The following CLDN10 variants were observed in gnomAD, a reference collection of about 807,000 sequenced individuals.
The protein encoded by CLDN10 is claudin 10.
CLDN10 carries 15 observed loss-of-function variants against 22.9 expected under a neutral mutation model. The ratio of observed to expected loss-of-function variants is 0.65; its 90% CI spans 0.44 to 1.01. The LOEUF (loss-of-function observed/expected upper bound fraction) is 1.01, where lower values mean the gene tolerates loss of function less well. CLDN10 is among the 50% of genes least tolerant of loss of function. The pLI, the probability that CLDN10 is intolerant of heterozygous loss-of-function variation, is 0.00. For synonymous variants in CLDN10, 114 were observed against 111.4 expected, an observed-to-expected ratio of 1.02 and a Z score of -0.15; for missense variants, 247 against 287.8, an observed-to-expected ratio of 0.86 and a Z score of 1.03.
At chr13:95,520,705 G>A (rs35442761) in intron 1 of CLDN10, among the ~76,000 whole-genome samples, 15,170 of 152,138 alleles carry the variant, frequency 0.1, 929 homozygotes, top group Non-Finnish European at 0.12. Context: ...GGATGAGGGC[G>A]GGCGTGGTGG....
intron 1 of CLDN10, among the ~76,000 whole-genome samples, chr13:95,525,749 C>T (rs1262803516): frequency 1.3e-5 from 2 of 152,178 alleles, no homozygotes; most frequent in African/African-American, 4.8e-5. Context: ...ACCTCAGCCT[C>T]CCAGAGTGCT....
intron 1 of CLDN10, among the ~76,000 whole-genome samples, chr13:95,459,700 A>G (rs2042516498): frequency 6.6e-6 from 1 of 151,882 alleles, no homozygotes; most frequent in Non-Finnish European, 1.5e-5. Flanking sequence ...AGCCATGAAG[A>G]CCTCTGACAT....
chr13:95,564,668 C>G (rs936833889), intron 3 of CLDN10, among the ~76,000 whole-genome samples: 3 of 152,162 alleles, frequency 2.0e-5, no homozygotes, highest in Non-Finnish European at 4.4e-5. Flanking sequence ...ATCTTGGTTG[C>G]CCAAGTTAGG....
At chr13:95,565,239 T>C (rs1258087858) in intron 3 of CLDN10, among the ~76,000 whole-genome samples, 1 of 152,218 alleles carries the variant, frequency 6.6e-6, no homozygotes. Context: ...TGTTTTGTTA[T>C]CCAAACCACT....
chr13:95,435,871 G>C (rs1394514434), intron 1 of CLDN10, among the ~76,000 whole-genome samples: 1 of 151,198 alleles, frequency 6.6e-6, no homozygotes, highest in Non-Finnish European at 1.5e-5. Context: ...GCCAAGGCTG[G>C]TCTCGATCTC....
At chr13:95,559,548 G>A (rs1413180293) in intron 1 of CLDN10, among the ~76,000 whole-genome samples, 1 of 152,096 alleles carries the variant, frequency 6.6e-6, no homozygotes, top group Non-Finnish European at 1.5e-5. Context: ...GACCCCCCAT[G>A]GTTCATGATG....
chr13:95,577,259 G>C lies in CLDN10; in HGVS notation c.493G>C (p.Gly165Arg). The C allele has an allele frequency of 6.2e-7, 1 of 1,614,058 alleles. No homozygotes were observed. The highest frequency in any genetic ancestry group is 8.5e-7 in the Non-Finnish European group (1 of 1,179,938). ...TGAATTAGGAGCCGCTCTGTTTATT[G>C]GATGGGCAGGAGCCTCACTGTGCAT... is the stretch of plus-strand genomic sequence containing the variant. ...KYELGAALFI[G>R]WAGASLCIIG... Residue 165 changes from glycine to arginine, a missense_variant, in exon 4 of 5, where the codon GGA (glycine) becomes CGA (arginine). Gly to Arg is a moderately radical substitution (Grantham distance 125). Coordinates refer to ENST00000299339, the MANE Select transcript of CLDN10 (RefSeq NM_006984.5).
At chr13:95,522,408 A>T (rs1594585036) in intron 1 of CLDN10, among the ~76,000 whole-genome samples, 1 of 151,968 alleles carries the variant, frequency 6.6e-6, no homozygotes, top group African/African-American at 2.4e-5. Flanking sequence ...AATATGTAGG[A>T]TTTCTATTAC....
rs894178305 is a variant in CLDN10, at chr13:95,449,585, G to A, written c.214+15538G>A. On this transcript the variant is annotated intron_variant, in intron 1 of 4. Transcript: ENST00000376873. The stretch of plus-strand genomic sequence containing the variant: ...TCTTTTTTTGTTGTTTTATTTTTTA[G>A]AGACAGGGTCCTGCTCTGGCATCTA... 7.2e-5 allele frequency among the ~76,000 whole-genome samples: 11 copies of A among 151,834 alleles called. No homozygotes were observed. In the East Asian group the frequency reaches 2.1e-3, roughly 30 times the overall value.
rs142513601 is a variant in CLDN10, at chr13:95,519,009, G to A, written c.215-41123G>A. Among the ~76,000 whole-genome samples, 90 of 152,190 alleles carry A rather than the reference G, an allele frequency of 5.9e-4. 2 individuals are homozygous for A. Among genetic ancestry groups the A allele is most frequent in the African/African-American group, 1.9e-3 (80 of 41,530 alleles). On this transcript the variant is annotated intron_variant, in intron 1 of 4. Transcript: ENST00000376873. ...CCTCCATGAGTATGTGACAGGTATCGGTAGAGCCATGTGACCTTGAGTAAA... is the reference window on the plus strand; with the variant it reads ...CCTCCATGAGTATGTGACAGGTATCAGTAGAGCCATGTGACCTTGAGTAAA...
At chr13:95,569,631 T>A in intron 3 of CLDN10, among the ~76,000 whole-genome samples, 1 of 152,116 alleles carries the variant, frequency 6.6e-6, no homozygotes, top group East Asian at 1.9e-4. Flanking sequence ...ATAAGGCTTG[T>A]GTAATTTAAA....
At position 95,566,261 on chromosome 13, in the gene CLDN10, A is replaced by G. The variant is rs575203039; in HGVS notation, c.464+5798A>G. On this transcript the variant is annotated intron_variant, in intron 3 of 4. Coordinates refer to ENST00000299339, the MANE Select transcript of CLDN10 (RefSeq NM_006984.5). ...CCACCAACAGTGTAAAAGCATTCCT[A>G]TTTCTCCACATCCTCCCCAGAATCT... 9.8e-4 allele frequency among the ~76,000 whole-genome samples: 149 copies of G among 152,234 alleles called. 1 individual carries two copies. The highest frequency in any genetic ancestry group is 3.3e-3 in the African/African-American group (138 of 41,548).
rs557381286 is a variant in CLDN10 at position 95,578,294 on chromosome 13, G to C, written c.*280G>C. The C allele has an allele frequency of 2.6e-5, 6 of 227,696 alleles. No homozygotes were observed. The highest frequency in any genetic ancestry group is 5.2e-5 in the Non-Finnish European group (6 of 116,212). The allele number at this position is 227,696 out of a possible 1,614,324, so 14.1% of individuals were successfully genotyped here. A position where few individuals can be genotyped will look rare whatever the true frequency, so the allele number is the denominator to read the frequency against. ...ACATGAAAAGCATTTAGTACCAAAG[G>C]TTCAAGAAGTATTCGTACTCTAGCC... On this transcript the variant is annotated 3_prime_UTR_variant, in exon 5 of 5. Transcript: ENST00000299339.
intron 1 of CLDN10, among the ~76,000 whole-genome samples, chr13:95,463,012 T>C (rs1259562286): frequency 6.6e-6 from 1 of 152,034 alleles, no homozygotes; most frequent in Admixed American, 6.6e-5. Context: ...CTTCAGAGCC[T>C]TTGTGTTTGC....
chr13:95,493,474 C>T (rs1299801795), intron 1 of CLDN10, among the ~76,000 whole-genome samples: 1 of 152,040 alleles, frequency 6.6e-6, no homozygotes, highest in Non-Finnish European at 1.5e-5. Flanking sequence ...CACTTCCCCT[C>T]CCCCAGTCTC....
intron 1 of CLDN10, among the ~76,000 whole-genome samples, chr13:95,487,016 C>T (rs563500022): frequency 5.3e-5 from 8 of 152,346 alleles, no homozygotes; most frequent in Admixed American, 3.3e-4. Flanking sequence ...TGTTGTGTTT[C>T]GCACGGATTT....
At chr13:95,569,353 G>A (rs1192149859) in intron 3 of CLDN10, among the ~76,000 whole-genome samples, 1 of 152,136 alleles carries the variant, frequency 6.6e-6, no homozygotes, top group Non-Finnish European at 1.5e-5. Context: ...GGAGGCCAAC[G>A]TGGGTGGATC....
At chr13:95,477,277 GC>G (rs2042693843) in intron 1 of CLDN10, among the ~76,000 whole-genome samples, 1 of 152,274 alleles carries the variant, frequency 6.6e-6, no homozygotes, top group South Asian at 2.1e-4. Flanking sequence ...GGCAGGGTTA[GC>G]TAGCTCAGGA....
At chr13:95,577,856 C>T in intron 4 of CLDN10, 44 bp from the exon 5 acceptor site, 3 of 1,304,604 alleles carry the variant, frequency 2.3e-6, no homozygotes, top group Non-Finnish European at 2.2e-6. Flanking sequence ...TTTGTTTGCC[C>T]TATGTGTAGA....
Sources: allele counts gnomAD v4.1 joint callset (sites outside exome capture counted in the v4.1 genomes callset), GRCh38; gene constraint gnomAD v4.1.1; transcripts MANE v1.5; gene names NCBI Gene and HGNC (gene_info 2026-07-23, HGNC 2026-07-21).